SERPINA9: variants seen among roughly 807,000 people sequenced by gnomAD.
The protein encoded by SERPINA9 is serpin family A member 9, also known as serpin A9.
SERPINA9 carries 32 observed loss-of-function variants against 24.5 expected under a neutral mutation model. The observed-to-expected ratio is 1.30, with a 90% confidence interval of 0.98 to 1.75. The LOEUF (loss-of-function observed/expected upper bound fraction) is 1.75. SERPINA9 is among the 40% of genes most tolerant of loss of function. The pLI is 0.00. For missense variants in SERPINA9, 594 were observed against 497.1 expected, an observed-to-expected ratio of 1.19 and a Z score of -1.85; for synonymous variants, 233 against 197.7, an observed-to-expected ratio of 1.18 and a Z score of -1.50.
chr14:94,473,627 A>G (rs576933557), intron 1 of SERPINA9, among the ~76,000 whole-genome samples: 2 of 151,744 alleles, frequency 1.3e-5, no homozygotes, highest in South Asian at 2.1e-4. Context: ...TTATTTGATG[A>G]GCTCTGTGAC....
intron 1 of SERPINA9, among the ~76,000 whole-genome samples, chr14:94,475,320 A>T (rs1899537007): frequency 6.6e-6 from 1 of 152,064 alleles, no homozygotes; most frequent in African/African-American, 2.4e-5. Context: ...TTTTCAGGGA[A>T]AAGCTTCACC....
In SERPINA9 at chr14:94,467,205, G is replaced by A. The variant is rs1208056037; in HGVS notation, c.806C>T (p.Ala269Val). 21 of 1,614,102 alleles carry A rather than the reference G, an allele frequency of 1.3e-5. No homozygotes were observed. The highest frequency in any genetic ancestry group is 8.9e-5 in the East Asian group (4 of 44,902). ...GCCCTTGCTAGGGAGGACAAAGAAG[G>A]CCACGGCATCTCCCTTGTAATCCAT... Reference protein sequence around the residue: ...LQMDYKGDAVAFFVLPSKGKM... With the variant: ...LQMDYKGDAVVFFVLPSKGKM... Residue 269 changes from alanine to valine, a missense_variant, in exon 3 of 5, where the codon GCC becomes GTC. Physicochemically the swap from Ala to Val is moderately conservative, Grantham distance 64. Transcript: ENST00000674397.
At chr14:94,475,517 G>C (rs1899563707) in intron 1 of SERPINA9, among the ~76,000 whole-genome samples, 1 of 151,948 alleles carries the variant, frequency 6.6e-6, no homozygotes, top group Admixed American at 6.6e-5. Flanking sequence ...CTATGAAAAG[G>C]AATTGTCTCA....
chr14:94,467,440 C>A, intron 2 of SERPINA9, 58 bp from the exon 3 acceptor site: 1 of 1,468,788 alleles, frequency 6.8e-7, no homozygotes, highest in Non-Finnish European at 9.2e-7. Context: ...GAGGCAAAGA[C>A]AGCAAACTGA....
At chr14:94,470,115 G>A (rs1899241757) in intron 1 of SERPINA9, 6 of 1,010,422 alleles carry the variant, frequency 5.9e-6, no homozygotes, top group Non-Finnish European at 7.5e-6. Flanking sequence ...ACTTGTCTGT[G>A]TTCTGTGTGG....
rs1280777885 is a variant in SERPINA9 at position 94,469,763 on chromosome 14, G to A, written c.78C>T (p.Ala26=). Residue 26 remains alanine (A), a synonymous_variant, in exon 2 of 5, where the codon GCC becomes GCT. Transcript: ENST00000674397. ...APIYCVSPAN[A]PSAYPRPSST... ...AGGAAGGGCGGGGGTATGCACTGGG[G>A]GCATTGGCCGGGGACACACAGTAGA... 2 of 1,559,278 alleles carry A rather than the reference G, an allele frequency of 1.3e-6. No individual in the cohort carries two copies. The highest frequency in any genetic ancestry group is 1.7e-6 in the Non-Finnish European group (2 of 1,151,460).
intron 1 of SERPINA9, among the ~76,000 whole-genome samples, chr14:94,475,667 G>C (rs565978523): frequency 2.6e-5 from 4 of 152,180 alleles, no homozygotes; most frequent in African/African-American, 7.2e-5. Context: ...GCCTTAGAAA[G>C]TATCTCTTCT....
Position 94,469,638 on chromosome 14 carries a change from A to T in SERPINA9, c.203T>A (p.Ile68Asn). The change falls in exon 2 of 5, where the codon ATC becomes AAC. Residue 68 changes from isoleucine (I) to asparagine (N), a missense_variant. Transcript: ENST00000674397. Reference sequence around the variant, plus strand: ...GGAGACACTCACAGGGGAGAAGAAGATGTTCTGACTCGGGGTCTCCAAAAC... The same window carrying T: ...GGAGACACTCACAGGGGAGAAGAAGTTGTTCTGACTCGGGGTCTCCAAAAC... ...RLVLETPSQN[I>N]FFSPVSVSTS... The T allele has an allele frequency of 6.2e-7, 1 of 1,614,016 alleles. No homozygotes were observed. Among genetic ancestry groups the T allele is most frequent in the Non-Finnish European group, 8.5e-7 (1 of 1,180,014 alleles).
rs151058096 is a variant in SERPINA9, at chr14:94,470,205, G to A, written c.-17-348C>T. ...CATGGACTTATTTTTTAAGAATTGAGTATGTGAACCCAGATTGCATTAGCA... is the reference window on the plus strand; with the variant it reads ...CATGGACTTATTTTTTAAGAATTGAATATGTGAACCCAGATTGCATTAGCA... On this transcript the variant is annotated intron_variant, in intron 1 of 4. Coordinates refer to ENST00000674397, the MANE Select transcript of SERPINA9 (RefSeq NM_175739.4). 1.5e-4 allele frequency: 158 copies of A among 1,027,344 alleles called. 1 individual carries two copies. The East Asian group carries it at 0.011, about 75-fold the overall frequency. 63.6% of individuals were successfully genotyped at this position (1,027,344 alleles called of 1,614,324 possible).
In SERPINA9 at chr14:94,463,197, A is replaced by T. The variant is rs1355818470; in HGVS notation, c.1150T>A (p.Tyr384Asn). Residue 384 changes from tyrosine (Y) to asparagine (N), a missense_variant, in exon 5 of 5, where the codon TAC becomes AAC. Transcript: ENST00000674397. ...FIVRSKDGPSYFTVSFNRTFL... is the reference protein window; with the variant it reads ...FIVRSKDGPSNFTVSFNRTFL... ...GTCCTATTGAAGGAGACAGTGAAGT[A>T]AGAGGGGCCATCCTTCGATCGGACT... 1 of 1,614,170 alleles carries T rather than the reference A, an allele frequency of 6.2e-7. No homozygotes were observed. Among genetic ancestry groups the T allele is most frequent in the Admixed American group, 1.7e-5 (1 of 60,032 alleles).
In SERPINA9 at chr14:94,469,196, A is replaced by G. The variant is rs749888002; in HGVS notation, c.628+17T>C. On this transcript the variant is annotated intron_variant, in intron 2 of 4. Transcript: ENST00000674397. ...TCATAAAATAAATAAATAAAAATCAACTTCTCAAATCCTTACCTTTAAAGA... is the reference window on the plus strand; with the variant it reads ...TCATAAAATAAATAAATAAAAATCAGCTTCTCAAATCCTTACCTTTAAAGA... The G allele has an allele frequency of 3.8e-6, 6 of 1,582,972 alleles. No homozygotes were observed. In the African/African-American group the frequency reaches 8.2e-5, roughly 22 times the overall value.
Position 94,464,807 on chromosome 14 carries a change from T to C in SERPINA9, c.950A>G (p.Asn317Ser), listed in dbSNP as rs769429068. The stretch of plus-strand genomic sequence containing the variant: ...CATCTTCGGGAGGATGGTTTCCAGA[T>C]TGTAGGAGGCAGAAATGGAAAATCT... ...IPRFSISASY[N>S]LETILPKMGI... Residue 317 changes from asparagine (N) to serine (S), a missense_variant, in exon 4 of 5, where the codon AAT becomes AGT. Coordinates refer to ENST00000674397, the MANE Select transcript of SERPINA9 (RefSeq NM_175739.4). 2.9e-5 allele frequency: 46 copies of C among 1,613,648 alleles called. No homozygotes were observed. In the South Asian group the frequency reaches 3.4e-4, roughly 12 times the overall value.
At chr14:94,467,495 G>A (rs1377987403) in intron 2 of SERPINA9, 113 bp from the exon 3 acceptor site, 2 of 997,964 alleles carry the variant, frequency 2.0e-6, no homozygotes, top group African/African-American at 1.6e-5. Flanking sequence ...TTTTTGAGGT[G>A]ACAAAAAAAT....
At chr14:94,476,097 A>G in intron 1 of SERPINA9, 39 bp downstream of exon 1, 1 of 1,613,816 alleles carries the variant, frequency 6.2e-7, no homozygotes, top group Non-Finnish European at 8.5e-7. Context: ...GCTCAGTGAC[A>G]CCACATTCCC....
chr14:94,468,256 G>A (rs1899114353), intron 2 of SERPINA9, among the ~76,000 whole-genome samples: 1 of 152,190 alleles, frequency 6.6e-6, no homozygotes, highest in Admixed American at 6.5e-5. Context: ...CTTGGTGAAT[G>A]GGTAGATGGA....
Position 94,469,317 on chromosome 14 carries a change from A to T in SERPINA9, c.524T>A (p.Ile175Asn), listed in dbSNP as rs1453567568. ...FSNPSIAQAR[I>N]NSHVKKKTQG... Reference sequence around the variant, plus strand: ...GGTCTTCTTTTTCACATGGCTGTTGATCCTCGCCTGGGCAATGGAGGGGTT... The same window carrying T: ...GGTCTTCTTTTTCACATGGCTGTTGTTCCTCGCCTGGGCAATGGAGGGGTT... The change falls in exon 2 of 5, where the codon ATC becomes AAC. Residue 175 changes from isoleucine (I) to asparagine (N), a missense_variant. Coordinates refer to ENST00000674397, the MANE Select transcript of SERPINA9 (RefSeq NM_175739.4). 6.8e-6 allele frequency: 11 copies of T among 1,614,114 alleles called. No individual in the cohort carries two copies. Among genetic ancestry groups the T allele is most frequent in the Non-Finnish European group, 9.3e-6 (11 of 1,180,022 alleles).
In SERPINA9 at chr14:94,467,308, C is replaced by T. The variant is rs764890158; in HGVS notation, c.703G>A (p.Val235Met). 1.2e-6 allele frequency: 2 copies of T among 1,614,096 alleles called. No homozygotes were observed. Among genetic ancestry groups the T allele is most frequent in the Non-Finnish European group, 1.7e-6 (2 of 1,179,954 alleles). The change falls in exon 3 of 5, where the codon GTG (valine) becomes ATG (methionine). Residue 235 changes from valine to methionine, a missense_variant. Transcript: ENST00000674397. ...TTCTGGTGCATCATGGGGACATGCACAGTGACCTGCTCGCCCACCAGGAAT... is the reference window on the plus strand; with the variant it reads ...TTCTGGTGCATCATGGGGACATGCATAGTGACCTGCTCGCCCACCAGGAAT... ...FPFLVGEQVT[V>M]HVPMMHQKEQ...
intron 1 of SERPINA9, among the ~76,000 whole-genome samples, chr14:94,475,253 C>T (rs1899532346): frequency 6.6e-6 from 1 of 152,158 alleles, no homozygotes; most frequent in Admixed American, 6.5e-5. Context: ...ACTGTGGGTT[C>T]CCAACCACCA....
chr14:94,473,192 G>A (rs1482439592), intron 1 of SERPINA9, among the ~76,000 whole-genome samples: 46 of 152,208 alleles, frequency 3.0e-4, no homozygotes, highest in Admixed American at 3.0e-3. Flanking sequence ...GACACTTGGT[G>A]TGCTGCCCTG....
Sources: allele counts gnomAD v4.1 joint callset (sites outside exome capture counted in the v4.1 genomes callset), GRCh38; gene constraint gnomAD v4.1.1; transcripts MANE v1.5; gene names NCBI Gene and HGNC (gene_info 2026-07-23, HGNC 2026-07-21).